Variants in ZNF208 observed in about 807,000 individuals in gnomAD.
ZNF208 encodes zinc finger protein 95.
In ZNF208, 10 loss-of-function variants were observed where a neutral mutation model predicts 12.1. That is an observed-to-expected ratio of 0.83 (90% CI 0.51 to 1.40). The LOEUF (loss-of-function observed/expected upper bound fraction) is 1.40. ZNF208 is among the 40% of genes most tolerant of loss of function. ZNF208 has a pLI of 0.00. For missense variants in ZNF208, 1,652 were observed against 1,485.0 expected, an observed-to-expected ratio of 1.11 and a Z score of -1.85; for synonymous variants, 497 against 488.4, an observed-to-expected ratio of 1.02 and a Z score of -0.23.
chr19:22,006,170 C>G (rs952984356), intron 1 of ZNF208, among the ~76,000 whole-genome samples: 23 of 152,168 alleles, frequency 1.5e-4, no homozygotes, highest in African/African-American at 5.3e-4. Context: ...CTCCTAAGAA[C>G]ACACTGACTT....
In ZNF208 at chr19:21,987,975, C is replaced by T. The variant is rs567801640; in HGVS notation, c.131-664G>A. Among the ~76,000 whole-genome samples the T allele has an allele frequency of 4.1e-4, 63 of 152,144 alleles. 2 individuals carry two copies. The South Asian group carries it at 1.0e-2, about 24-fold the overall frequency. On this transcript the variant is annotated intron_variant, in intron 2 of 3. Transcript: ENST00000397126. ...TCTCTTCTCATTCCTTCGTCGCCACCGGACTTTCTGTACCCTACAGGTGGT... is the reference window on the plus strand; with the variant it reads ...TCTCTTCTCATTCCTTCGTCGCCACTGGACTTTCTGTACCCTACAGGTGGT...
intron 1 of ZNF208, among the ~76,000 whole-genome samples, chr19:21,989,545 G>A (rs1452777024): frequency 3.3e-5 from 5 of 151,964 alleles, no homozygotes; most frequent in East Asian, 3.9e-4. Flanking sequence ...ATAAACATAC[G>A]TGTGCATGTG....
intron 1 of ZNF208, among the ~76,000 whole-genome samples, chr19:22,007,382 T>C (rs934776212): frequency 4.9e-4 from 74 of 150,280 alleles, no homozygotes; most frequent in African/African-American, 1.7e-3. Context: ...TTGCTGGGCG[T>C]GGTGGCGGGC....
At chr19:21,987,623 C>T (rs540405260) in intron 2 of ZNF208, among the ~76,000 whole-genome samples, 284 of 152,238 alleles carry the variant, frequency 1.9e-3, no homozygotes, top group Middle Eastern at 6.8e-3. Flanking sequence ...GAAAGATACT[C>T]CTTTGAAGCA....
intron 1 of ZNF208, among the ~76,000 whole-genome samples, chr19:22,008,311 A>AAAAAG (rs1184104774): frequency 2.0e-5 from 3 of 151,270 alleles, no homozygotes; most frequent in African/African-American, 7.3e-5. Context: ...TCAAAAAAAA[A>AAAAAG]AAAAAGAAAA....
At chr19:22,006,826 T>C (rs1419670452) in intron 1 of ZNF208, among the ~76,000 whole-genome samples, 1 of 152,212 alleles carries the variant, frequency 6.6e-6, no homozygotes, top group African/African-American at 2.4e-5. Context: ...AATTTTAAGG[T>C]GCTTACCTTT....
downstream of ZNF208, among the ~76,000 whole-genome samples, chr19:21,963,810 GTAT>G (rs1970117390): frequency 6.6e-6 from 1 of 151,858 alleles, no homozygotes; most frequent in South Asian, 2.1e-4. Flanking sequence ...GTTTTTAATA[GTAT>G]TATTGGCAAA....
Position 22,001,087 on chromosome 19 carries a change from G to A in ZNF208, c.3+9705C>T, listed in dbSNP as rs138343335. Among the ~76,000 whole-genome samples the A allele has an allele frequency of 8.4e-3, 1,275 of 152,080 alleles. 10 individuals are homozygous for A. Among genetic ancestry groups the A allele is most frequent in the African/African-American group, 0.027 (1,106 of 41,478 alleles). ...GTGGATCACCTGAGGTCAGGAGTTCGAGACCAGCCTCAACCTGGGGAAACC... is the reference window on the plus strand; with the variant it reads ...GTGGATCACCTGAGGTCAGGAGTTCAAGACCAGCCTCAACCTGGGGAAACC... On this transcript the variant is annotated intron_variant, in intron 1 of 3. Transcript: ENST00000397126.
intron 4 of ZNF208, among the ~76,000 whole-genome samples, chr19:21,956,316 C>A (rs562696965): frequency 1.1e-5 from 1 of 93,594 alleles, no homozygotes; most frequent in African/African-American, 5.1e-5. Context: ...TCTGTCCATT[C>A]TCATATCTCA....
intron 3 of ZNF208, among the ~76,000 whole-genome samples, chr19:21,979,678 G>A (rs536341636): frequency 1.3e-5 from 2 of 152,082 alleles, no homozygotes; most frequent in South Asian, 4.2e-4. Flanking sequence ...TCAACTAATG[G>A]GCAAAATAAC....
chr19:21,960,650 AC>A (rs1321854257), intron 4 of ZNF208, among the ~76,000 whole-genome samples: 1 of 152,162 alleles, frequency 6.6e-6, no homozygotes, highest in Non-Finnish European at 1.5e-5. Context: ...GGGTCACCCC[AC>A]CTATCCTGAA....
chr19:21,971,318 A>G lies in ZNF208; in HGVS notation c.3716T>C (p.Ile1239Thr). 6.2e-7 allele frequency: 1 copy of G among 1,605,350 alleles called. No homozygotes were observed. Among genetic ancestry groups the G allele is most frequent in the African/African-American group, 1.4e-5 (1 of 72,480 alleles). Residue 1239 changes from isoleucine (I) to threonine (T), a missense_variant, in exon 4 of 4, where the codon ATC becomes ACC. Around this residue, in one of 3 missense-constraint regions of ZNF208, gnomAD observed 1,239 missense variants for 1,086.2 expected, o/e 1.14. Transcript: ENST00000397126. ...ECGKAFSTFS[I>T]LTKHKVIHTG... The stretch of plus-strand genomic sequence containing the variant: ...ATGAATTACCTTATGTTTAGTGAGG[A>G]TTGAGAACGTACTAAAGGCTTTGCC...
Position 21,972,871 on chromosome 19 carries a change from G to C in ZNF208, c.2163C>G (p.Tyr721Ter). The C allele has an allele frequency of 6.2e-7, 1 of 1,613,292 alleles. No individual in the cohort carries two copies. The highest frequency in any genetic ancestry group is 8.5e-7 in the Non-Finnish European group (1 of 1,179,874). ...AGCTTTTGCCACATTCTTCACATTT[G>C]TAGGGTTTCTCTCCAGTATGAATTC... ...HKRIHTGEKP[Y>*]KCEECGKSFS... Residue 721 changes from tyrosine (Y) to a stop codon, truncating the protein, a stop_gained, in exon 4 of 4, where the codon TAC (tyrosine) becomes TAG (stop). Coordinates refer to ENST00000397126, the MANE Select transcript of ZNF208 (RefSeq NM_007153.3). LOFTEE classifies it low-confidence loss of function (END_TRUNC).
intron 3 of ZNF208, among the ~76,000 whole-genome samples, chr19:21,985,915 C>G (rs1200665194): frequency 3.9e-5 from 6 of 152,196 alleles, no homozygotes; most frequent in Admixed American, 1.3e-4. Context: ...GCCCTAGCAT[C>G]TGATACCCTA....
chr19:21,946,401 C>T (rs1969816738), intron 4 of ZNF208, among the ~76,000 whole-genome samples: 1 of 152,158 alleles, frequency 6.6e-6, no homozygotes, highest in Non-Finnish European at 1.5e-5. Context: ...CAATTTTTTC[C>T]CATTCCAGTT....
rs1450017705 is a variant in ZNF208, at chr19:21,973,022, C to A, written c.2012G>T (p.Gly671Val). 1 of 1,613,268 alleles carries A rather than the reference C, an allele frequency of 6.2e-7. No individual in the cohort carries two copies. Among genetic ancestry groups the A allele is most frequent in the African/African-American group, 1.3e-5 (1 of 74,806 alleles). ...GATTGAGAACTTACTAAAGGCTTTG[C>A]CACATTCTTTACATTTGTAGGGCTT... ...GEKPYKCKEC[G>V]KAFSKFSILT... The change falls in exon 4 of 4, where the codon GGC (glycine) becomes GTC (valine). Residue 671 changes from glycine (G) to valine (V), a missense_variant. By Grantham distance (109) the Gly-to-Val change is moderately radical. Transcript: ENST00000397126.
At chr19:21,982,203 A>C (rs1970553346) in intron 3 of ZNF208, among the ~76,000 whole-genome samples, 1 of 151,780 alleles carries the variant, frequency 6.6e-6, no homozygotes, top group African/African-American at 2.4e-5. Flanking sequence ...TAAAAACACA[A>C]AAAAATTAGC....
At chr19:21,961,151 T>A (rs146411811), downstream of ZNF208, among the ~76,000 whole-genome samples, 1,174 of 152,246 alleles carry the variant, frequency 7.7e-3, 9 homozygotes, top group African/African-American at 0.026. Flanking sequence ...CTATTTTCTG[T>A]AAGTGTCAGC....
chr19:21,987,061 C>A (rs1428133743), intron 3 of ZNF208, 155 bp downstream of exon 3: 1 of 675,410 alleles, frequency 1.5e-6, no homozygotes, highest in South Asian at 2.7e-5. Context: ...ACCGAAGATG[C>A]CCCTGTGTGA....
Sources: gnomAD v4.1 joint callset for allele counts (sites outside exome capture counted in the v4.1 genomes callset) on GRCh38, gnomAD v4.1.1 for gene constraint, gnomAD v4.1.1 regional missense constraint, MANE v1.5 for transcripts, NCBI Gene and HGNC (gene_info 2026-07-23, HGNC 2026-07-21) for gene names.